The following SNAP23 variants were observed in gnomAD, a reference collection of about 807,000 sequenced individuals.
SNAP23 encodes the protein synaptosome associated protein 23, also known as synaptosomal-associated protein 23.
SNAP23 carries 11 observed loss-of-function variants against 29.0 expected under a neutral mutation model. That is an observed-to-expected ratio of 0.38 (90% CI 0.24 to 0.63). SNAP23 has a LOEUF of 0.63. Among genes scored for constraint, SNAP23 ranks in the 20% least tolerant of loss-of-function variants. SNAP23 has a pLI of 0.58. For synonymous variants in SNAP23, 60 were observed against 82.9 expected (o/e 0.72, Z 1.50); for missense variants, 220 against 253.9 (o/e 0.87, Z 0.91).
intron 5 of SNAP23, chr15:42,521,725 C>A: frequency 1.3e-6 from 1 of 757,336 alleles, no homozygotes; most frequent in Non-Finnish European, 2.2e-6. Context: ...CTTCAAATGG[C>A]TTTTCTGTGC....
At chr15:42,508,303 G>A (rs1037712515) in intron 1 of SNAP23, among the ~76,000 whole-genome samples, 5 of 151,428 alleles carry the variant, frequency 3.3e-5, no homozygotes, top group Non-Finnish European at 5.9e-5. Context: ...AAGAAAATAC[G>A]GTATTCATAC....
At chr15:42,505,929 TTTTCTTTTTTTTTC>T (rs1266600690) in intron 1 of SNAP23, among the ~76,000 whole-genome samples, 1 of 151,642 alleles carries the variant, frequency 6.6e-6, no homozygotes, top group Non-Finnish European at 1.5e-5. Context: ...CTTTCTTTTC[TTTTCTTTTTTTTTC>T]TTTCTTTTTT....
At chr15:42,517,791 G>C (rs1359603933) in intron 5 of SNAP23, among the ~76,000 whole-genome samples, 1 of 152,134 alleles carries the variant, frequency 6.6e-6, no homozygotes, top group Non-Finnish European at 1.5e-5. Flanking sequence ...GCTCACTGTA[G>C]CCTCAAACAT....
chr15:42,525,703 C>G (rs1463728189), intron 5 of SNAP23, among the ~76,000 whole-genome samples: 1 of 151,824 alleles, frequency 6.6e-6, no homozygotes, highest in African/African-American at 2.4e-5. Flanking sequence ...ACTTCGTGAT[C>G]TGCCTGCCTC....
intron 5 of SNAP23, among the ~76,000 whole-genome samples, chr15:42,526,039 T>C (rs956581820): frequency 4.6e-5 from 7 of 152,188 alleles, no homozygotes; most frequent in Non-Finnish European, 7.3e-5. Context: ...CTTTTTGTGC[T>C]GTCAGAAACA....
chr15:42,522,842 CTTTTTT>C (rs5812226), intron 5 of SNAP23, among the ~76,000 whole-genome samples: 1 of 91,050 alleles, frequency 1.1e-5, no homozygotes, highest in Admixed American at 1.7e-4. Flanking sequence ...TAAAACTTGC[CTTTTTT>C]TTTTTTTTTT....
intron 1 of SNAP23, among the ~76,000 whole-genome samples, chr15:42,507,484 A>G (rs1415369764): frequency 6.6e-6 from 1 of 152,258 alleles, no homozygotes; most frequent in Non-Finnish European, 1.5e-5. Flanking sequence ...TTAGCATAGT[A>G]TAAGTTCCCA....
At chr15:42,502,696 T>TG (rs1309133184) in intron 1 of SNAP23, among the ~76,000 whole-genome samples, 1 of 152,208 alleles carries the variant, frequency 6.6e-6, no homozygotes, top group East Asian at 1.9e-4. Context: ...TGTCTCTTCC[T>TG]GGGTAGATTG....
intron 1 of SNAP23, among the ~76,000 whole-genome samples, chr15:42,506,670 A>G (rs1236432500): frequency 6.6e-6 from 1 of 152,208 alleles, no homozygotes; most frequent in African/African-American, 2.4e-5. Context: ...AGTCTGTAGA[A>G]GAGATAAAAT....
rs2057525500 is a variant in SNAP23 at position 42,528,324 on chromosome 15, C to T, written c.329C>T (p.Ser110Leu). The change falls in exon 6 of 8, where the codon TCA (serine) becomes TTA (leucine). Residue 110 changes from serine to leucine, a missense_variant. Physicochemically the swap from Ser to Leu is moderately radical, Grantham distance 145. Transcript: ENST00000249647. ...KTTWGDGGEN[S>L]PCNVVSKQPG... ...ACATGGGGAGATGGTGGAGAAAACT[C>T]ACCTTGCAATGTAGTATCTAAACAG... The T allele has an allele frequency of 1.9e-6, 3 of 1,614,066 alleles. No homozygotes were observed. Among genetic ancestry groups the T allele is most frequent in the Non-Finnish European group, 2.5e-6 (3 of 1,180,002 alleles).
chr15:42,515,514 C>T (rs531680026), intron 5 of SNAP23, among the ~76,000 whole-genome samples, 160 bp downstream of exon 5: 5 of 152,276 alleles, frequency 3.3e-5, no homozygotes, highest in Admixed American at 3.3e-4. Context: ...TGTGTAAATA[C>T]TGCGTGTTCA....
rs1010043206 is a variant in SNAP23 at position 42,520,117 on chromosome 15, C to A, written c.266+4763C>A. Among the ~76,000 whole-genome samples the A allele has an allele frequency of 2.3e-5, 3 of 128,456 alleles. No homozygotes were observed. In the Admixed American group the frequency reaches 2.9e-4, roughly 12 times the overall value. 84.3% of individuals were successfully genotyped at this position (128,456 alleles called of 152,430 possible). A position where few individuals can be genotyped will look rare whatever the true frequency, so the allele number is the denominator to read the frequency against. On this transcript the variant is annotated intron_variant, in intron 5 of 7. Transcript: ENST00000249647. Reference sequence around the variant, plus strand: ...CCAGGCTGGAGTACAGTGGTGTGATCTCAGCTCACTGCAACCCCTGCCTCC... The same window carrying A: ...CCAGGCTGGAGTACAGTGGTGTGATATCAGCTCACTGCAACCCCTGCCTCC...
At chr15:42,515,011 T>G (rs1294482266) in intron 4 of SNAP23, among the ~76,000 whole-genome samples, 2 of 152,182 alleles carry the variant, frequency 1.3e-5, no homozygotes, top group Non-Finnish European at 2.9e-5. Flanking sequence ...ATATACAAGC[T>G]TTTTAGAACA....
chr15:42,494,761 C>T (rs774602496), upstream of SNAP23, among the ~76,000 whole-genome samples: 18 of 152,072 alleles, frequency 1.2e-4, no homozygotes, highest in Non-Finnish European at 2.1e-4. Flanking sequence ...GTGATCTGCC[C>T]GCTTCAGCCT....
chr15:42,523,178 A>G (rs201195510), intron 5 of SNAP23, among the ~76,000 whole-genome samples: 103 of 125,718 alleles, frequency 8.2e-4, no homozygotes, highest in Non-Finnish European at 1.3e-3. Context: ...TTTAAGTGGG[A>G]AAAAAAAAAA....
chr15:42,504,805 C>G (rs2057304380), intron 1 of SNAP23, among the ~76,000 whole-genome samples: 1 of 152,214 alleles, frequency 6.6e-6, no homozygotes, highest in African/African-American at 2.4e-5. Flanking sequence ...GGAATTCCCA[C>G]TCACCCACTA....
chr15:42,518,849 T>C (rs2057419738), intron 5 of SNAP23, among the ~76,000 whole-genome samples: 1 of 152,110 alleles, frequency 6.6e-6, no homozygotes, highest in Non-Finnish European at 1.5e-5. Context: ...GCTGTAGATA[T>C]TAATTGGTTT....
In SNAP23 at chr15:42,512,950, C is replaced by T; in HGVS notation, c.58-5C>T. On this transcript the variant is annotated splice_region_variant and splice_polypyrimidine_tract_variant and intron_variant, in intron 2 of 7. Coordinates refer to ENST00000249647, the MANE Select transcript of SNAP23 (RefSeq NM_003825.4). ...GGAATGCTAAAATTCTGTGTTCTTT[C>T]CTAGTCTCTGGAAAGTACGAGGAGA... 1 of 1,608,830 alleles carries T rather than the reference C, an allele frequency of 6.2e-7. No homozygotes were observed. Among genetic ancestry groups the T allele is most frequent in the Non-Finnish European group, 8.5e-7 (1 of 1,175,760 alleles).
intron 1 of SNAP23, among the ~76,000 whole-genome samples, chr15:42,501,822 TAAC>T (rs1173178001): frequency 1.3e-5 from 2 of 152,188 alleles, no homozygotes; most frequent in Non-Finnish European, 2.9e-5. Flanking sequence ...TCAATCCATG[TAAC>T]AACACTTAAA....
Sources: gnomAD v4.1 joint callset for allele counts (sites outside exome capture counted in the v4.1 genomes callset) on GRCh38, gnomAD v4.1.1 for gene constraint, MANE v1.5 for transcripts, NCBI Gene and HGNC (gene_info 2026-07-23, HGNC 2026-07-21) for gene names.